CDH4: variants seen among roughly 807,000 people sequenced by gnomAD.
CDH4 encodes the protein cadherin-4.
Under a neutral mutation model 86.0 loss-of-function variants are expected in CDH4, and 33 were observed. The ratio of observed to expected loss-of-function variants is 0.38; its 90% CI spans 0.29 to 0.51. The LOEUF (loss-of-function observed/expected upper bound fraction) is 0.51, where lower values mean the gene tolerates loss of function less well. CDH4 is among the 20% of genes least tolerant of loss of function. The pLI is 0.86. For missense variants in CDH4, 1,114 were observed against 1,307.4 expected (o/e 0.85, Z 2.28); for synonymous variants, 555 against 549.4 (o/e 1.01, Z -0.14).
At chr20:61,573,507 A>G (rs552521940) in intron 2 of CDH4, among the ~76,000 whole-genome samples, 10 of 152,330 alleles carry the variant, frequency 6.6e-5, no homozygotes, top group African/African-American at 1.9e-4. Context: ...AGAGCGCACC[A>G]TCATGTCTGA....
At chr20:61,478,426 A>T (rs941296349) in intron 2 of CDH4, among the ~76,000 whole-genome samples, 3 of 152,194 alleles carry the variant, frequency 2.0e-5, no homozygotes, top group Non-Finnish European at 4.4e-5. Context: ...AAGTTTGGAC[A>T]TAAAATAGAT....
At chr20:61,431,323 T>C (rs1472786709) in intron 2 of CDH4, among the ~76,000 whole-genome samples, 2 of 151,848 alleles carry the variant, frequency 1.3e-5, no homozygotes, top group Non-Finnish European at 2.9e-5. Flanking sequence ...TAGGAGAAAA[T>C]CTTGCTTGGC....
intron 2 of CDH4, among the ~76,000 whole-genome samples, chr20:61,462,750 G>C (rs1265263252): frequency 6.6e-6 from 1 of 152,162 alleles, no homozygotes; most frequent in Non-Finnish European, 1.5e-5. Context: ...GGTCTGAATA[G>C]ATCTCGTCTT....
At chr20:61,790,824 C>G (rs1048034522) in intron 4 of CDH4, among the ~76,000 whole-genome samples, 4 of 151,696 alleles carry the variant, frequency 2.6e-5, no homozygotes, top group African/African-American at 7.3e-5. Context: ...ATCCACCCAC[C>G]CACCCACCAT....
chr20:61,667,204 C>T (rs6089258), intron 2 of CDH4, among the ~76,000 whole-genome samples: 18,715 of 152,278 alleles, frequency 0.12, 1,284 homozygotes, highest in African/African-American at 0.17. Context: ...ATGGGGCCAC[C>T]CCACCCTCAG....
chr20:61,281,769 C>A (rs1415663004), intron 2 of CDH4, among the ~76,000 whole-genome samples: 1 of 152,238 alleles, frequency 6.6e-6, no homozygotes, highest in Non-Finnish European at 1.5e-5. Context: ...GGAGGGGACG[C>A]ACCCCATCCC....
chr20:61,333,656 C>G (rs1048933231), intron 2 of CDH4, among the ~76,000 whole-genome samples: 11 of 152,248 alleles, frequency 7.2e-5, no homozygotes, highest in Non-Finnish European at 7.3e-5. Context: ...CCACACGTGG[C>G]CCACAGAGCT....
In CDH4 at chr20:61,706,787, G is replaced by A. The variant is rs144574416; in HGVS notation, c.170-36776G>A. ...TCACCGGAACTGGCTCGGGCAGGACGTTCATGGTGAGGTTCCAACCGGAAT... is the reference window on the plus strand; with the variant it reads ...TCACCGGAACTGGCTCGGGCAGGACATTCATGGTGAGGTTCCAACCGGAAT... On this transcript the variant is annotated intron_variant, in intron 2 of 15. Transcript: ENST00000614565. 1.7e-3 allele frequency among the ~76,000 whole-genome samples: 256 copies of A among 152,320 alleles called. 2 individuals carry two copies. The highest frequency in any genetic ancestry group is 3.1e-3 in the Non-Finnish European group (212 of 68,032).
intron 2 of CDH4, among the ~76,000 whole-genome samples, chr20:61,707,791 C>T (rs888653369): frequency 1.3e-5 from 2 of 152,166 alleles, no homozygotes; most frequent in Non-Finnish European, 2.9e-5. Context: ...CGTGCACGTG[C>T]AGTTCACAAC....
intron 2 of CDH4, among the ~76,000 whole-genome samples, chr20:61,272,591 T>G (rs2084188984): frequency 6.6e-6 from 1 of 152,264 alleles, no homozygotes; most frequent in African/African-American, 2.4e-5. Context: ...CATTGTTTGT[T>G]GCAGAAGTTC....
At chr20:61,720,406 A>G (rs2145911600) in intron 2 of CDH4, among the ~76,000 whole-genome samples, 1 of 131,526 alleles carries the variant, frequency 7.6e-6, no homozygotes, top group Non-Finnish European at 1.6e-5. Context: ...CAGGGGTGCG[A>G]AGTGTAAGTG....
chr20:61,666,063 T>C (rs757248843), intron 2 of CDH4, among the ~76,000 whole-genome samples: 37 of 151,994 alleles, frequency 2.4e-4, no homozygotes, highest in Non-Finnish European at 5.0e-4. Context: ...CAAATGGACG[T>C]TGGGGCCCAA....
At chr20:61,608,160 G>T (rs1290765631) in intron 2 of CDH4, among the ~76,000 whole-genome samples, 1 of 152,058 alleles carries the variant, frequency 6.6e-6, no homozygotes, top group African/African-American at 2.4e-5. Context: ...AGCCACACCC[G>T]CTGCGGAGTT....
intron 7 of CDH4, among the ~76,000 whole-genome samples, chr20:61,888,162 C>G (rs1443075504): frequency 2.0e-5 from 3 of 152,212 alleles, no homozygotes; most frequent in Non-Finnish European, 4.4e-5. Flanking sequence ...GCAGCCACAT[C>G]CCTGCAGAGC....
At chr20:61,574,149 G>A (rs376433995) in intron 2 of CDH4, among the ~76,000 whole-genome samples, 14 of 152,224 alleles carry the variant, frequency 9.2e-5, no homozygotes, top group African/African-American at 2.2e-4. Context: ...CTTGCTGGGC[G>A]TGGTGACCAC....
intron 2 of CDH4, among the ~76,000 whole-genome samples, chr20:61,628,772 C>A (rs942346188): frequency 6.6e-6 from 1 of 152,208 alleles, no homozygotes; most frequent in Non-Finnish European, 1.5e-5. Context: ...AGCCTGCTCC[C>A]CAGCCCTGCC....
At chr20:61,767,313 G>T (rs1471862598) in intron 3 of CDH4, among the ~76,000 whole-genome samples, 1 of 152,236 alleles carries the variant, frequency 6.6e-6, no homozygotes, top group African/African-American at 2.4e-5. Flanking sequence ...CATAGAAAGT[G>T]AGTGGCTATC....
chr20:61,819,160 T>C (rs376665621), intron 4 of CDH4, among the ~76,000 whole-genome samples: 1 of 152,156 alleles, frequency 6.6e-6, no homozygotes, highest in Non-Finnish European at 1.5e-5. Context: ...TGCAAGGATG[T>C]CACCTCCGCT....
chr20:61,458,375 T>TGATGGTATGG (rs2085421831), intron 2 of CDH4, among the ~76,000 whole-genome samples: 1 of 140,348 alleles, frequency 7.1e-6, no homozygotes, highest in South Asian at 2.2e-4. Flanking sequence ...GTCATGGTGG[T>TGATGGTATGG]GATGGTATGG....
Sources: allele counts gnomAD v4.1 joint callset (sites outside exome capture counted in the v4.1 genomes callset), GRCh38; gene constraint gnomAD v4.1.1; transcripts MANE v1.5; gene names NCBI Gene and HGNC (gene_info 2026-07-23, HGNC 2026-07-21).